RSPH3: variants seen among roughly 807,000 people sequenced by gnomAD.
RSPH3 encodes the protein radial spoke head 3, also known as radial spoke head protein 3 homolog.
A neutral mutation model predicts 43.8 loss-of-function variants in RSPH3; 21 were observed. The observed-to-expected ratio is 0.48, with a 90% CI of 0.34 to 0.69. The LOEUF is 0.69. RSPH3 is among the 30% of genes least tolerant of loss of function. The probability of loss-of-function intolerance (pLI) is 0.01; values close to 1 mark genes in which losing one functional copy is unlikely to be tolerated. For missense variants in RSPH3, 487 were observed against 516.0 expected (o/e 0.94, Z 0.54); for synonymous variants, 173 against 179.8 (o/e 0.96, Z 0.30).
At chr6:158,965,195 C>T in the RSPH3 span, among the ~76,000 whole-genome samples, 5 of 151,958 alleles carry the variant, frequency 3.3e-5, no homozygotes, top group African/African-American at 7.2e-5. Context: ...TTTTGAATAC[C>T]GTAGCTTTGA....
intron 2 of RSPH3, 51 bp from the exon 3 acceptor site, chr6:158,986,472 A>G (rs772686545): frequency 6.7e-7 from 1 of 1,502,342 alleles, no homozygotes; most frequent in East Asian, 2.3e-5. Context: ...TTATTAAAGC[A>G]TACAGGAACT....
the RSPH3 span, among the ~76,000 whole-genome samples, chr6:158,963,349 C>CCTTT: frequency 0.1 from 14,418 of 141,112 alleles, 1,370 homozygotes; most frequent in East Asian, 0.38. Flanking sequence ...CTCCTTCCTT[C>CCTTT]CTTTCTTTCT....
intron 2 of RSPH3, among the ~76,000 whole-genome samples, chr6:158,991,174 G>T (rs925511044): frequency 1.3e-5 from 2 of 151,992 alleles, no homozygotes; most frequent in African/African-American, 2.4e-5. Flanking sequence ...TAAAATCCTT[G>T]TCAGGTAATT....
the RSPH3 span, among the ~76,000 whole-genome samples, chr6:158,966,943 A>G: frequency 5.9e-5 from 9 of 151,410 alleles, no homozygotes; most frequent in African/African-American, 2.2e-4. Context: ...TGTTTTAAAT[A>G]TAGACTTTCA....
chr6:158,999,739 G>A lies in RSPH3; in HGVS notation c.-189C>T. On this transcript the variant is annotated 5_prime_UTR_variant, in exon 1 of 8. Coordinates refer to ENST00000367069, the MANE Select transcript of RSPH3 (RefSeq NM_031924.8). ...GCGCAGGAGGTGGGAGCTATACTGG[G>A]CTCGCTCCCAGCACCACAGAGACCA... is the stretch of plus-strand genomic sequence containing the variant. The A allele has an allele frequency of 1.2e-6, 2 of 1,612,192 alleles. No homozygotes were observed. The highest frequency in any genetic ancestry group is 8.5e-7 in the Non-Finnish European group (1 of 1,178,772).
At chr6:158,994,858 T>C (rs571453231) in intron 1 of RSPH3, among the ~76,000 whole-genome samples, 9 of 152,290 alleles carry the variant, frequency 5.9e-5, no homozygotes, top group African/African-American at 1.9e-4. Flanking sequence ...AAGTTGCTTT[T>C]TTTTCATATA....
rs1778353682 is a variant in RSPH3, at chr6:158,989,995, GGAAA to G, written c.205-3578_205-3575del. On this transcript the variant is annotated intron_variant, in intron 2 of 7. Transcript: ENST00000367069. The surrounding 1 kb of genome is among the most constrained non-coding windows in gnomAD (Gnocchi z 4.3). The stretch of plus-strand genomic sequence containing the variant: ...AGAATATAAGCAGGCAGAAAAATGT[GGAAA>G]GAGAGACTGGCCTAGCCCCCCAGCC... Among the ~76,000 whole-genome samples the G allele has an allele frequency of 1.3e-5, 2 of 152,108 alleles. No individual in the cohort carries two copies. Among genetic ancestry groups the G allele is most frequent in the African/African-American group, 4.8e-5 (2 of 41,420 alleles).
At chr6:158,969,903 C>CT (rs1370841133), downstream of RSPH3, among the ~76,000 whole-genome samples, 2 of 152,130 alleles carry the variant, frequency 1.3e-5, no homozygotes, top group East Asian at 3.8e-4. Flanking sequence ...GGTGAGACAT[C>CT]TTTCTCATAC....
rs1004276798 is a variant in RSPH3, at chr6:158,999,859, C to G, written c.-309G>C. On this transcript the variant is annotated 5_prime_UTR_variant, in exon 1 of 8. Transcript: ENST00000367069. ...CGGTCCCCAGGTTTCCCGGGAAGGA[C>G]TGCGGCACAAGGGACTTCCGGCTCT... The G allele has an allele frequency of 1.8e-5, 29 of 1,613,892 alleles. No individual in the cohort carries two copies. The highest frequency in any genetic ancestry group is 2.5e-5 in the Non-Finnish European group (29 of 1,179,958).
intron 5 of RSPH3, 115 bp downstream of exon 5, chr6:158,982,370 T>C: frequency 1.5e-6 from 1 of 648,682 alleles, no homozygotes; most frequent in East Asian, 2.8e-5. Context: ...TAGATCTTTT[T>C]CTAATATATT....
At position 159,000,089 on chromosome 6, in the gene RSPH3, G is replaced by T; in HGVS notation, c.-539C>A. 8.7e-7 allele frequency: 1 copy of T among 1,148,110 alleles called. No individual in the cohort carries two copies. Among genetic ancestry groups the T allele is most frequent in the Non-Finnish European group, 1.2e-6 (1 of 832,302 alleles). The allele number at this position is 1,148,110 out of a possible 1,614,324, so 71.1% of individuals were successfully genotyped here. On this transcript the variant is annotated 5_prime_UTR_variant, in exon 1 of 8. Transcript: ENST00000367069. The stretch of plus-strand genomic sequence containing the variant: ...GGCCCACGTGCTCCTGCTCTTCCAG[G>T]GTGTCCTCGGCTGTTTCTCCTGCCG...
downstream of RSPH3, among the ~76,000 whole-genome samples, chr6:158,968,436 A>C (rs2128603372): frequency 6.6e-6 from 1 of 152,134 alleles, no homozygotes; most frequent in African/African-American, 2.4e-5. Context: ...AGGTTTCACC[A>C]TGTTGGCCAG....
chr6:158,978,238 AT>A, intron 7 of RSPH3, 21 bp downstream of exon 7: 3 of 1,274,550 alleles, frequency 2.4e-6, no homozygotes, highest in Non-Finnish European at 3.4e-6. Flanking sequence ...TTAGAGATGA[AT>A]TTTTGGATAA....
chr6:158,980,769 C>T lies in RSPH3; in HGVS notation c.859+5G>A, dbSNP rs545361014. 30 of 1,610,278 alleles carry T rather than the reference C, an allele frequency of 1.9e-5. No individual in the cohort carries two copies. In the Admixed American group the frequency reaches 3.0e-4, roughly 16 times the overall value. ...AAAATTAATCTAACAAAAATATCTACAAACCTCTTTCAATGGGATCATAAA... is the reference window on the plus strand; with the variant it reads ...AAAATTAATCTAACAAAAATATCTATAAACCTCTTTCAATGGGATCATAAA... On this transcript the variant is annotated splice_donor_5th_base_variant and intron_variant, in intron 6 of 7. Coordinates refer to ENST00000367069, the MANE Select transcript of RSPH3 (RefSeq NM_031924.8).
chr6:158,998,220 G>A (rs1778667378), intron 1 of RSPH3, among the ~76,000 whole-genome samples: 1 of 149,986 alleles, frequency 6.7e-6, no homozygotes, highest in Non-Finnish European at 1.5e-5. Flanking sequence ...GGGAGGCCGA[G>A]GCGGGCGGAT....
Position 158,982,547 on chromosome 6 carries a change from T to G in RSPH3, c.634A>C (p.Asn212His), listed in dbSNP as rs1409714344. The G allele has an allele frequency of 3.1e-6, 5 of 1,613,918 alleles. No individual in the cohort carries two copies. The highest frequency in any genetic ancestry group is 4.2e-6 in the Non-Finnish European group (5 of 1,179,958). Reference sequence around the variant, plus strand: ...CGTTGAACTTCAGCACGTTCACTATTCCGTAGTTCTTCATACTCACGCTGA... The same window carrying G: ...CGTTGAACTTCAGCACGTTCACTATGCCGTAGTTCTTCATACTCACGCTGA... ...ASQREYEELR[N>H]SERAEVQRLE... Residue 212 changes from asparagine (N) to histidine (H), a missense_variant, in exon 5 of 8, where the codon AAT (asparagine) becomes CAT (histidine). Physicochemically the swap from Asn to His is moderately conservative, Grantham distance 68. Coordinates refer to ENST00000367069, the MANE Select transcript of RSPH3 (RefSeq NM_031924.8).
At chr6:158,968,030 C>T (rs1276700202), downstream of RSPH3, among the ~76,000 whole-genome samples, 1 of 152,090 alleles carries the variant, frequency 6.6e-6, no homozygotes, top group Non-Finnish European at 1.5e-5. Flanking sequence ...TTCTGGCAAT[C>T]TTTGCCTTCT....
chr6:158,973,718 C>T lies in RSPH3; in HGVS notation c.*3820G>A, dbSNP rs1777746639. On this transcript the variant is annotated 3_prime_UTR_variant, in exon 8 of 8. Coordinates refer to ENST00000367069, the MANE Select transcript of RSPH3 (RefSeq NM_031924.8). ...GTGACTTTGCAGGCCACGCTCATAG[C>T]CCTCAGATGGCTTAAATGTAATGAT... is the stretch of plus-strand genomic sequence containing the variant. The T allele has an allele frequency of 6.6e-6, 1 of 152,136 alleles. No individual in the cohort carries two copies. Among genetic ancestry groups the T allele is most frequent in the Non-Finnish European group, 1.5e-5 (1 of 68,038 alleles). The allele number at this position is 152,136 out of a possible 1,614,324, so 9.4% of individuals were successfully genotyped here. A position where few individuals can be genotyped will look rare whatever the true frequency, so the allele number is the denominator to read the frequency against.
intron 2 of RSPH3, among the ~76,000 whole-genome samples, chr6:158,988,707 A>G (rs1170658605): frequency 6.6e-6 from 1 of 152,136 alleles, no homozygotes; most frequent in Non-Finnish European, 1.5e-5. Flanking sequence ...CAACAAATGT[A>G]TTACTCAGCT....
Sources: gnomAD v4.1 joint callset for allele counts (sites outside exome capture counted in the v4.1 genomes callset) on GRCh38, gnomAD v4.1.1 for gene constraint, Gnocchi (gnomAD v3.1) non-coding constraint, MANE v1.5 for transcripts, NCBI Gene and HGNC (gene_info 2026-07-23, HGNC 2026-07-21) for gene names.